The following TBCK variants were observed in gnomAD, a reference collection of about 807,000 sequenced individuals.
The protein encoded by TBCK is TBC1 domain containing kinase.
Under a neutral mutation model 113.4 loss-of-function variants are expected in TBCK, and 99 were observed. The ratio of observed to expected loss-of-function variants is 0.87; its 90% CI spans 0.74 to 1.03. The LOEUF (loss-of-function observed/expected upper bound fraction) is 1.03. Among genes scored for constraint, TBCK ranks in the 50% least tolerant of loss-of-function variants. The pLI, the probability that TBCK is intolerant of heterozygous loss-of-function variation, is 0.00. For synonymous variants in TBCK, 369 were observed against 370.8 expected (o/e 1.00, Z 0.05); for missense variants, 1,045 against 1,061.3 (o/e 0.98, Z 0.21).
At chr4:106,089,025 TGTACATGTATCC>T in intron 25 of TBCK, among the ~76,000 whole-genome samples, 1 of 131,348 alleles carries the variant, frequency 7.6e-6, no homozygotes, top group Non-Finnish European at 1.6e-5. Flanking sequence ...CTGCATGTTC[TGTACATGTATCC>T]TTTTTTTTTT....
chr4:106,244,757 AT>A lies in TBCK; in HGVS notation c.938del (p.Asn313IlefsTer64), dbSNP rs1159716142. ...TAGATCTTTCTGCCAGGTAATCATT[AT>A]TTATATCTATTAAAAGCAAATTTAA... The part of the protein sequence containing the change: ...EDISQLCKDI[N>X]NDYLAERSIE... On this transcript the variant is annotated frameshift_variant, in exon 11 of 26. Coordinates refer to ENST00000394708, the MANE Select transcript of TBCK (RefSeq NM_001163435.3). LOFTEE classifies it high-confidence loss of function. 6.4e-7 allele frequency: 1 copy of A among 1,574,476 alleles called. No individual in the cohort carries two copies. The highest frequency in any genetic ancestry group is 8.6e-7 in the Non-Finnish European group (1 of 1,157,054).
At chr4:106,271,016 A>G (rs898569628) in intron 3 of TBCK, among the ~76,000 whole-genome samples, 1 of 152,218 alleles carries the variant, frequency 6.6e-6, no homozygotes, top group Admixed American at 6.5e-5. Context: ...ATAGGAAGGC[A>G]GACAAAGCAA....
At chr4:106,292,930 T>C (rs540607979) in intron 3 of TBCK, among the ~76,000 whole-genome samples, 1 of 152,316 alleles carries the variant, frequency 6.6e-6, no homozygotes, top group African/African-American at 2.4e-5. Flanking sequence ...GGGTGGCAAG[T>C]GAACACTGGG....
intron 20 of TBCK, among the ~76,000 whole-genome samples, chr4:106,200,109 C>G (rs1316115027): frequency 6.6e-6 from 1 of 152,194 alleles, no homozygotes; most frequent in Non-Finnish European, 1.5e-5. Context: ...GCTGCTCCTC[C>G]ACATCTCTGA....
chr4:106,258,057 T>C (rs1762176674), intron 5 of TBCK, among the ~76,000 whole-genome samples: 1 of 152,062 alleles, frequency 6.6e-6, no homozygotes, highest in Admixed American at 6.5e-5. Flanking sequence ...TAAACTTTGT[T>C]TCAAATATTT....
chr4:106,158,327 G>C (rs1003937999), intron 23 of TBCK, among the ~76,000 whole-genome samples: 1 of 152,112 alleles, frequency 6.6e-6, no homozygotes, highest in African/African-American at 2.4e-5. Flanking sequence ...TGGATCACCT[G>C]AGGTCAGGAG....
At chr4:106,238,590 T>C (rs1281791756) in intron 12 of TBCK, 2 of 152,036 alleles carry the variant, frequency 1.3e-5, no homozygotes, top group African/African-American at 4.8e-5. Flanking sequence ...AAAACAAGGA[T>C]AGGTACCTAT....
chr4:106,189,698 T>C (rs1753448679), intron 22 of TBCK, among the ~76,000 whole-genome samples: 1 of 152,206 alleles, frequency 6.6e-6, no homozygotes, highest in African/African-American at 2.4e-5. Flanking sequence ...ATTCGTATTT[T>C]GGTACCTGAT....
chr4:106,226,112 T>C (rs1390007298), intron 19 of TBCK, among the ~76,000 whole-genome samples: 1 of 152,064 alleles, frequency 6.6e-6, no homozygotes, highest in Non-Finnish European at 1.5e-5. Flanking sequence ...TGCAGTGAGC[T>C]GAGATTGTGC....
intron 19 of TBCK, chr4:106,213,839 G>A (rs1443816934): frequency 3.5e-4 from 54 of 154,894 alleles, no homozygotes; most frequent in East Asian, 1.9e-4. Context: ...AAAGCAGCCC[G>A]GAAGCTCGAA....
chr4:106,209,375 A>T (rs1386006138), intron 20 of TBCK, among the ~76,000 whole-genome samples: 2 of 152,166 alleles, frequency 1.3e-5, no homozygotes, highest in Non-Finnish European at 2.9e-5. Flanking sequence ...AATTTTTTAA[A>T]CCAAAATAAA....
intron 23 of TBCK, among the ~76,000 whole-genome samples, chr4:106,152,159 C>G (rs1748568302): frequency 6.6e-6 from 1 of 151,882 alleles, no homozygotes; most frequent in South Asian, 2.1e-4. Context: ...TTGTTACATT[C>G]TTGATCTTAG....
chr4:106,234,088 A>G lies in TBCK; in HGVS notation c.1450-438T>C, dbSNP rs377762793. Among the ~76,000 whole-genome samples, 6 of 152,154 alleles carry G rather than the reference A, an allele frequency of 3.9e-5. No individual in the cohort carries two copies. In the East Asian group the frequency reaches 9.7e-4, roughly 25 times the overall value. On this transcript the variant is annotated intron_variant, in intron 15 of 25. Coordinates refer to ENST00000394708, the MANE Select transcript of TBCK (RefSeq NM_001163435.3). ...AGAAATAACTGAATGAACGACTACA[A>G]ATTTTGGTCGTGTTCTATAGGACCA... is the stretch of plus-strand genomic sequence containing the variant.
intron 3 of TBCK, among the ~76,000 whole-genome samples, chr4:106,279,426 C>T (rs1185312718): frequency 1.3e-5 from 2 of 151,974 alleles, no homozygotes; most frequent in African/African-American, 4.8e-5. Flanking sequence ...TATCCATTAC[C>T]TCAAGCATTT....
At chr4:106,246,346 A>T (rs1422012885) in intron 10 of TBCK, among the ~76,000 whole-genome samples, 1 of 152,196 alleles carries the variant, frequency 6.6e-6, no homozygotes, top group Non-Finnish European at 1.5e-5. Flanking sequence ...GACTTAAGTC[A>T]TAACAACTTT....
intron 3 of TBCK, among the ~76,000 whole-genome samples, chr4:106,264,463 T>C (rs1343802300): frequency 1.3e-5 from 2 of 152,030 alleles, no homozygotes; most frequent in South Asian, 2.1e-4. Context: ...AAGATTAAAG[T>C]GACAGGAGAT....
chr4:106,054,694 A>T (rs972971854), intron 25 of TBCK, among the ~76,000 whole-genome samples: 2 of 151,722 alleles, frequency 1.3e-5, no homozygotes. Flanking sequence ...TGAATAACTG[A>T]TTCATTCATT....
intron 3 of TBCK, among the ~76,000 whole-genome samples, chr4:106,293,614 T>A (rs1236582646): frequency 6.6e-6 from 1 of 152,172 alleles, no homozygotes; most frequent in Non-Finnish European, 1.5e-5. Context: ...GGTATATACA[T>A]GATATCTGCA....
intron 23 of TBCK, among the ~76,000 whole-genome samples, chr4:106,119,647 GCAAAACTAGACATAGAATTACAACATT>G (rs1465164049): frequency 6.6e-6 from 1 of 152,052 alleles, no homozygotes; most frequent in Admixed American, 6.6e-5. Context: ...GGCAACAGAA[GCAAAACTAGACATAGAATTACAACATT>G]CTAAAAAGCT....
Sources: allele counts gnomAD v4.1 joint callset (sites outside exome capture counted in the v4.1 genomes callset), GRCh38; gene constraint gnomAD v4.1.1; transcripts MANE v1.5; gene names NCBI Gene and HGNC (gene_info 2026-07-23, HGNC 2026-07-21).